Variants in SEM1 observed in about 807,000 individuals in gnomAD.
SEM1 encodes the protein 26S proteasome complex subunit SEM1.
SEM1 carries 3 observed loss-of-function variants against 12.7 expected under a neutral mutation model. That is an observed-to-expected ratio of 0.24 (90% CI 0.11 to 0.61). The LOEUF (loss-of-function observed/expected upper bound fraction) is 0.61, where lower values mean the gene tolerates loss of function less well. SEM1 is among the 20% of genes least tolerant of loss of function. The pLI is 0.88. For missense variants in SEM1, 59 were observed against 81.3 expected, an observed-to-expected ratio of 0.73 and a Z score of 1.06; for synonymous variants, 30 against 27.8, an observed-to-expected ratio of 1.08 and a Z score of -0.25.
chr7:96,663,689 A>G (rs2116536952), intron 2 of SEM1, among the ~76,000 whole-genome samples: 1 of 152,340 alleles, frequency 6.6e-6, no homozygotes, highest in East Asian at 1.9e-4. Context: ...CTCTCTGAAC[A>G]GTGCACTCCC....
intron 2 of SEM1, among the ~76,000 whole-genome samples, chr7:96,562,946 A>G (rs761975113): frequency 6.6e-6 from 1 of 152,324 alleles, no homozygotes; most frequent in East Asian, 1.9e-4. Flanking sequence ...AGGAGTTTGA[A>G]TGCTATCCCA....
At chr7:96,569,539 C>A (rs1805953488) in intron 2 of SEM1, among the ~76,000 whole-genome samples, 1 of 151,842 alleles carries the variant, frequency 6.6e-6, no homozygotes. Flanking sequence ...TTTCACTTTT[C>A]TTTTTTAAAA....
chr7:96,672,646 C>T (rs556264856), downstream of SEM1: 1 of 152,304 alleles, frequency 6.6e-6, no homozygotes, highest in African/African-American at 2.4e-5. Flanking sequence ...GGCTTCTCAC[C>T]ATCCCAAATC....
At position 96,502,324 on chromosome 7, in the gene SEM1, TC is replaced by T. The variant is rs1240266375; in HGVS notation, c.*60+4298del. On this transcript the variant is annotated intron_variant and NMD_transcript_variant, in intron 3 of 3. Coordinates refer to the SEM1 transcript ENST00000466986. ...CACACTGAAAATTTTCTTTGTAAGA[TC>T]CTCTCAAAGTAATGTAGATCTTTAA... Among the ~76,000 whole-genome samples the T allele has an allele frequency of 7.9e-5, 12 of 152,244 alleles. No individual in the cohort carries two copies. In the South Asian group the frequency reaches 1.2e-3, roughly 16 times the overall value.
chr7:96,611,473 G>C (rs912791956), intron 2 of SEM1, among the ~76,000 whole-genome samples: 2 of 152,166 alleles, frequency 1.3e-5, no homozygotes, highest in Admixed American at 1.3e-4. Flanking sequence ...ATGAGCAAAA[G>C]TTACATGAGT....
rs535268058 is a variant in SEM1 at position 96,632,097 on chromosome 7, C to G, written c.171-9454G>C. 3.9e-5 allele frequency among the ~76,000 whole-genome samples: 6 copies of G among 152,290 alleles called. No homozygotes were observed. The South Asian group carries it at 1.2e-3, about 32-fold the overall frequency. On this transcript the variant is annotated intron_variant, in intron 2 of 2. Transcript: ENST00000417009. ...GTGGAGAAATAGGAACGCTTTTACA[C>G]TGTTGGTGGGAGTGTAAATTAGTTC...
downstream of SEM1, among the ~76,000 whole-genome samples, chr7:96,618,121 T>G (rs1051538382): frequency 6.6e-6 from 1 of 152,216 alleles, no homozygotes; most frequent in Non-Finnish European, 1.5e-5. Flanking sequence ...TTTGTATGTT[T>G]GATAGAATTC....
intron 2 of SEM1, among the ~76,000 whole-genome samples, chr7:96,589,213 G>A (rs1435960553): frequency 2.0e-5 from 3 of 152,044 alleles, no homozygotes; most frequent in Non-Finnish European, 4.4e-5. Flanking sequence ...GTTTAGGGTG[G>A]GGTGACTCAT....
At chr7:96,647,001 A>T (rs915778081) in intron 2 of SEM1, among the ~76,000 whole-genome samples, 1 of 152,210 alleles carries the variant, frequency 6.6e-6, no homozygotes, top group African/African-American at 2.4e-5. Flanking sequence ...CATTGAGAAA[A>T]GCTGGAGAAG....
At chr7:96,705,596 G>A (rs1384324938) in intron 1 of SEM1, among the ~76,000 whole-genome samples, 1 of 152,138 alleles carries the variant, frequency 6.6e-6, no homozygotes, top group Non-Finnish European at 1.5e-5. Flanking sequence ...GGGAGGCCGA[G>A]GCGGGCGGAT....
intron 2 of SEM1, among the ~76,000 whole-genome samples, chr7:96,515,741 C>G (rs1381653073): frequency 6.6e-6 from 1 of 152,100 alleles, no homozygotes; most frequent in South Asian, 2.1e-4. Context: ...ATGGATGAAG[C>G]TGGAAACCAT....
chr7:96,489,375 G>A (rs1802909639), intron 1 of SEM1, among the ~76,000 whole-genome samples: 1 of 152,070 alleles, frequency 6.6e-6, no homozygotes. Context: ...TTTTAATTTG[G>A]GAAGCCTGTG....
chr7:96,631,861 A>G (rs1333336304), intron 2 of SEM1, among the ~76,000 whole-genome samples: 1 of 152,220 alleles, frequency 6.6e-6, no homozygotes, highest in East Asian at 1.9e-4. Flanking sequence ...TTTACAAGAA[A>G]AAAACAAACA....
chr7:96,576,891 G>T (rs1039903792), intron 2 of SEM1, among the ~76,000 whole-genome samples: 1 of 152,162 alleles, frequency 6.6e-6, no homozygotes, highest in African/African-American at 2.4e-5. Context: ...GCCGAGGCGG[G>T]TGGATCACCA....
At chr7:96,488,517 G>A (rs946038673) in intron 1 of SEM1, among the ~76,000 whole-genome samples, 6 of 152,124 alleles carry the variant, frequency 3.9e-5, no homozygotes, top group Non-Finnish European at 8.8e-5. Flanking sequence ...AGCTGAATAT[G>A]TGACTACAAT....
At chr7:96,585,295 A>G (rs577979819) in intron 2 of SEM1, among the ~76,000 whole-genome samples, 1 of 152,200 alleles carries the variant, frequency 6.6e-6, no homozygotes, top group Non-Finnish European at 1.5e-5. Flanking sequence ...GTCAGGGGTC[A>G]GGGACCCATT....
In SEM1 at chr7:96,531,320, G is replaced by A. The variant is rs141470448; in HGVS notation, c.171-24622C>T. Among the ~76,000 whole-genome samples the A allele has an allele frequency of 6.1e-3, 929 of 151,846 alleles. 14 individuals carry two copies. Among genetic ancestry groups the A allele is most frequent in the African/African-American group, 0.02 (837 of 41,400 alleles). On this transcript the variant is annotated intron_variant and NMD_transcript_variant, in intron 2 of 3. Transcript: ENST00000466986. ...ACAGTGGCTCACGCCTGTAATCCCA[G>A]CACTTTCGGAAGCTGAGGCAGCAGG...
chr7:96,498,434 G>A (rs1044557396), upstream of SEM1, among the ~76,000 whole-genome samples: 5 of 152,132 alleles, frequency 3.3e-5, no homozygotes, highest in African/African-American at 1.2e-4. Flanking sequence ...ATTTGCTAGA[G>A]ATCAGATAGG....
chr7:96,637,188 G>T (rs761300027), intron 2 of SEM1: 2 of 152,002 alleles, frequency 1.3e-5, no homozygotes, highest in Admixed American at 6.6e-5. Context: ...GAAGTTGCCA[G>T]GGTATACTTA....
Sources: gnomAD v4.1 joint callset for allele counts (sites outside exome capture counted in the v4.1 genomes callset) on GRCh38, gnomAD v4.1.1 for gene constraint, MANE v1.5 for transcripts, NCBI Gene and HGNC (gene_info 2026-07-23, HGNC 2026-07-21) for gene names.